Variants in KIF2A observed in about 807,000 individuals in gnomAD.
The protein encoded by KIF2A is kinesin family member 2A.
Under a neutral mutation model 100.2 loss-of-function variants are expected in KIF2A, and 22 were observed. The observed-to-expected ratio is 0.22, with a 90% CI of 0.16 to 0.31. The LOEUF is 0.31. Among genes scored for constraint, KIF2A ranks in the 10% least tolerant of loss-of-function variants. KIF2A has a pLI of 1.00. For missense variants in KIF2A, 495 were observed against 898.7 expected (o/e 0.55, Z 5.74); for synonymous variants, 268 against 285.9 (o/e 0.94, Z 0.63).
intron 14 of KIF2A, among the ~76,000 whole-genome samples, chr5:62,365,032 G>A (rs1389414808): frequency 6.6e-6 from 1 of 152,150 alleles, no homozygotes; most frequent in Non-Finnish European, 1.5e-5. Flanking sequence ...GACAAAGGTT[G>A]TAGTGAGCCA....
intron 1 of KIF2A, chr5:62,312,000 T>A (rs1321919118): frequency 6.6e-6 from 1 of 152,200 alleles, no homozygotes; most frequent in African/African-American, 2.4e-5. Context: ...CCCGAATCCC[T>A]TCACTCCCAG....
chr5:62,308,281 AAG>A, intron 1 of KIF2A: 1 of 1,295,152 alleles, frequency 7.7e-7, no homozygotes, highest in Non-Finnish European at 1.0e-6. Flanking sequence ...ACTTTCTTGA[AAG>A]AGTGCTGTTA....
chr5:62,361,322 GA>G lies in KIF2A; in HGVS notation c.958del (p.Thr320LeufsTer22). The G allele has an allele frequency of 6.2e-7, 1 of 1,602,814 alleles. No individual in the cohort carries two copies. Among genetic ancestry groups the G allele is most frequent in the Non-Finnish European group, 8.5e-7 (1 of 1,171,730 alleles). On this transcript the variant is annotated frameshift_variant, in exon 10 of 21. Transcript: ENST00000407818. LOFTEE classifies it high-confidence loss of function. ...TCFAYGQTGS[G>X]KTHTMGGDFS... ...TTTGCTTATGGGCAGACTGGAAGTGGAAAAACTCATGTAAGTAATTTATTAA... is the reference window on the plus strand; with the variant it reads ...TTTGCTTATGGGCAGACTGGAAGTGGAAAACTCATGTAAGTAATTTATTAA...
chr5:62,346,047 TATA>T (rs904110157), intron 1 of KIF2A, among the ~76,000 whole-genome samples: 2 of 151,990 alleles, frequency 1.3e-5, no homozygotes, highest in Non-Finnish European at 1.5e-5. Flanking sequence ...TTGCAGTGTT[TATA>T]ATAATAATAA....
chr5:62,331,641 A>G (rs1746654478), intron 1 of KIF2A, among the ~76,000 whole-genome samples: 1 of 152,168 alleles, frequency 6.6e-6, no homozygotes, highest in Non-Finnish European at 1.5e-5. Context: ...GTATGAAGAG[A>G]AATTTTTATA....
At chr5:62,330,106 T>G (rs1224062579) in intron 1 of KIF2A, among the ~76,000 whole-genome samples, 1 of 152,176 alleles carries the variant, frequency 6.6e-6, no homozygotes, top group East Asian at 1.9e-4. Flanking sequence ...GACCCAGCAC[T>G]TTGGGAGGCC....
At position 62,387,147 on chromosome 5, in the gene KIF2A, C is replaced by T. The variant is rs1323351200; in HGVS notation, c.*1578C>T. The T allele has an allele frequency of 6.6e-6, 1 of 151,932 alleles. No homozygotes were observed. Among genetic ancestry groups the T allele is most frequent in the Non-Finnish European group, 1.5e-5 (1 of 68,016 alleles). 9.4% of individuals were successfully genotyped at this position (151,932 alleles called of 1,614,324 possible). ...GAAATCTAAAACAAATGTAGATTTTCACAATATGCTTATTAATAAATGAAG... is the reference window on the plus strand; with the variant it reads ...GAAATCTAAAACAAATGTAGATTTTTACAATATGCTTATTAATAAATGAAG... On this transcript the variant is annotated 3_prime_UTR_variant, in exon 21 of 21. Coordinates refer to ENST00000407818, the MANE Select transcript of KIF2A (RefSeq NM_001098511.3).
Position 62,377,651 on chromosome 5 carries a change from T to C in KIF2A, c.1912-10T>C, listed in dbSNP as rs1385019070. ...CTATATCATAATTTCTTAACTATTT[T>C]TATTTTAAGGAAGAAGAAGTCTCTC... On this transcript the variant is annotated splice_polypyrimidine_tract_variant and intron_variant, in intron 18 of 20. Coordinates refer to ENST00000407818, the MANE Select transcript of KIF2A (RefSeq NM_001098511.3). The C allele has an allele frequency of 3.5e-6, 5 of 1,447,846 alleles. No individual in the cohort carries two copies. The highest frequency in any genetic ancestry group is 4.7e-6 in the Non-Finnish European group (5 of 1,066,114). The allele number at this position is 1,447,846 out of a possible 1,614,324, so 89.7% of individuals were successfully genotyped here.
intron 1 of KIF2A, among the ~76,000 whole-genome samples, chr5:62,336,414 A>C (rs972754903): frequency 6.6e-6 from 1 of 152,214 alleles, no homozygotes; most frequent in Non-Finnish European, 1.5e-5. Context: ...GCCACTGTGC[A>C]CTGGGAAAAG....
chr5:62,374,019 C>A (rs1299248524), intron 18 of KIF2A, among the ~76,000 whole-genome samples, 182 bp downstream of exon 18: 2 of 152,130 alleles, frequency 1.3e-5, no homozygotes, highest in African/African-American at 4.8e-5. Flanking sequence ...CAAGACCAGC[C>A]TGGACAATTT....
chr5:62,352,731 G>A (rs762983690), intron 5 of KIF2A, 21 bp downstream of exon 5: 2 of 1,603,472 alleles, frequency 1.2e-6, no homozygotes, highest in Middle Eastern at 1.7e-4. Context: ...TATGTATCAA[G>A]GATTTAGTCA....
At chr5:62,354,281 A>G (rs1482172365) in intron 6 of KIF2A, among the ~76,000 whole-genome samples, 1 of 152,098 alleles carries the variant, frequency 6.6e-6, no homozygotes, top group Non-Finnish European at 1.5e-5. Context: ...ATACTTACAC[A>G]TCTCTCTGTG....
chr5:62,310,823 C>G (rs958402289), intron 1 of KIF2A, among the ~76,000 whole-genome samples: 1 of 151,828 alleles, frequency 6.6e-6, no homozygotes, highest in Admixed American at 6.6e-5. Context: ...CCCACTGACT[C>G]TTAAAAAAAC....
chr5:62,368,669 TGG>T (rs1161092495), intron 16 of KIF2A, among the ~76,000 whole-genome samples: 1 of 151,898 alleles, frequency 6.6e-6, no homozygotes, highest in Non-Finnish European at 1.5e-5. Flanking sequence ...CCCAGCCACT[TGG>T]GGGGCTGAGG....
intron 1 of KIF2A, among the ~76,000 whole-genome samples, chr5:62,334,169 C>A (rs1746805776): frequency 6.6e-6 from 1 of 152,102 alleles, no homozygotes; most frequent in Middle Eastern, 3.4e-3. Context: ...ACTGCCCACC[C>A]CCCGGACCCT....
chr5:62,359,495 CTAGA>C (rs1429640272), intron 9 of KIF2A, among the ~76,000 whole-genome samples: 2 of 151,086 alleles, frequency 1.3e-5, no homozygotes, highest in African/African-American at 4.9e-5. Context: ...CATATGAATA[CTAGA>C]TAGAGATATT....
At position 62,347,222 on chromosome 5, in the gene KIF2A, G is replaced by A; in HGVS notation, c.157G>A (p.Glu53Lys). The A allele has an allele frequency of 6.6e-7, 1 of 1,524,708 alleles. No individual in the cohort carries two copies. The highest frequency in any genetic ancestry group is 9.0e-7 in the Non-Finnish European group (1 of 1,106,640). The allele number at this position is 1,524,708 out of a possible 1,614,324, so 94.4% of individuals were successfully genotyped here. A position where few individuals can be genotyped will look rare whatever the true frequency, so the allele number is the denominator to read the frequency against. Residue 53 changes from glutamate to lysine, a missense_variant and splice_region_variant, in exon 2 of 21, where the codon GAG (glutamate) becomes AAG (lysine). By Grantham distance (56) the Glu-to-Lys change is moderately conservative (BLOSUM62 1). This residue lies in a region of KIF2A where 115 missense variants were observed against 143.6 expected (regional missense o/e 0.80). Coordinates refer to ENST00000407818, the MANE Select transcript of KIF2A (RefSeq NM_001098511.3). ...WIENGDTKGKEIDLESIFSLN... is the reference protein window; with the variant it reads ...WIENGDTKGKKIDLESIFSLN... The stretch of plus-strand genomic sequence containing the variant: ...AGAAAATGGAGATACAAAAGGCAAA[G>A]AGGTAAGATCACTGAGTTTAATTTT...
chr5:62,354,080 A>G (rs921998227), intron 6 of KIF2A, among the ~76,000 whole-genome samples: 1 of 152,188 alleles, frequency 6.6e-6, no homozygotes, highest in African/African-American at 2.4e-5. Flanking sequence ...GCCCTTAATC[A>G]TGTTAAACTA....
intron 1 of KIF2A, chr5:62,308,248 CTTTTA>C: frequency 1.0e-6 from 1 of 954,878 alleles, no homozygotes; most frequent in Non-Finnish European, 1.4e-6. Flanking sequence ...GTTGAGGTTT[CTTTTA>C]TATTTTCTCT....
Sources: gnomAD v4.1 joint callset for allele counts (sites outside exome capture counted in the v4.1 genomes callset) on GRCh38, gnomAD v4.1.1 for gene constraint, gnomAD v4.1.1 regional missense constraint, MANE v1.5 for transcripts, NCBI Gene and HGNC (gene_info 2026-07-23, HGNC 2026-07-21) for gene names.